The following HMOX2 variants were observed in gnomAD, a reference collection of about 807,000 sequenced individuals.
HMOX2 encodes the protein heme oxygenase (decycling) 2.
Under a neutral mutation model 33.7 loss-of-function variants are expected in HMOX2, and 30 were observed. The ratio of observed to expected loss-of-function variants is 0.89; its 90% CI spans 0.67 to 1.21. The LOEUF is 1.21. Ranked by LOEUF, HMOX2 falls within the 50% of genes most tolerant of loss-of-function variation. The probability of loss-of-function intolerance (pLI) is 0.00; values close to 1 mark genes in which losing one functional copy is unlikely to be tolerated. For synonymous variants in HMOX2, 155 were observed against 155.0 expected (o/e 1.00, Z 0.00); for missense variants, 403 against 399.1 (o/e 1.01, Z -0.08).
intron 1 of HMOX2, among the ~76,000 whole-genome samples, chr16:4,498,556 G>T (rs746034028): frequency 6.6e-6 from 1 of 151,782 alleles, no homozygotes; most frequent in Non-Finnish European, 1.5e-5. Flanking sequence ...TTTATTTTTC[G>T]TAGAGACAAG....
chr16:4,508,296 A>T (rs1358856754), intron 4 of HMOX2, 92 bp downstream of exon 4: 1 of 1,375,290 alleles, frequency 7.3e-7, no homozygotes, highest in Non-Finnish European at 1.0e-6. Flanking sequence ...CACACATGGC[A>T]TTAGGACAGA....
intron 1 of HMOX2, among the ~76,000 whole-genome samples, chr16:4,485,189 C>T (rs957238581): frequency 2.0e-5 from 3 of 152,176 alleles, no homozygotes; most frequent in Non-Finnish European, 4.4e-5. Context: ...TGATCTCGAA[C>T]TCCTGACCTT....
At chr16:4,499,340 A>G (rs1299940289) in intron 1 of HMOX2, among the ~76,000 whole-genome samples, 1 of 152,234 alleles carries the variant, frequency 6.6e-6, no homozygotes, top group Non-Finnish European at 1.5e-5. Context: ...ACAAGAAGGA[A>G]ATTCTGTCAT....
chr16:4,487,159 TAA>T (rs1266552446), intron 1 of HMOX2, among the ~76,000 whole-genome samples: 1 of 151,994 alleles, frequency 6.6e-6, no homozygotes, highest in Non-Finnish European at 1.5e-5. Flanking sequence ...CTCGAGAGGC[TAA>T]GTTGGAAGTA....
chr16:4,482,135 C>G (rs933695626), intron 1 of HMOX2, among the ~76,000 whole-genome samples: 2 of 152,174 alleles, frequency 1.3e-5, no homozygotes, highest in Non-Finnish European at 2.9e-5. Context: ...CTCCATTCCT[C>G]TACCATATAC....
intron 1 of HMOX2, among the ~76,000 whole-genome samples, chr16:4,485,158 G>T (rs2058135843): frequency 6.6e-6 from 1 of 152,022 alleles, no homozygotes; most frequent in Admixed American, 6.6e-5. Flanking sequence ...CAGATTCCGG[G>T]TTTCACCATG....
intron 1 of HMOX2, among the ~76,000 whole-genome samples, chr16:4,477,791 C>G (rs1200802209): frequency 6.6e-6 from 1 of 152,016 alleles, no homozygotes; most frequent in Non-Finnish European, 1.5e-5. Flanking sequence ...CGGGGTGGCG[C>G]GTGTCTGTAA....
In HMOX2 at chr16:4,508,033, G is replaced by C. The variant is rs143152168; in HGVS notation, c.525G>C (p.Leu175=). ...TGAAGAAGGTGGCCCAGCGAGCACT[G>C]AAACTCCCCAGCACAGGGGAAGGGA... ...QVLKKVAQRA[L]KLPSTGEGTQ... Residue 175 remains leucine, a synonymous_variant, in exon 4 of 6, where the codon CTG becomes CTC. Coordinates refer to ENST00000570646, the MANE Select transcript of HMOX2 (RefSeq NM_002134.4). 2.0e-4 allele frequency: 315 copies of C among 1,614,110 alleles called. No individual in the cohort carries two copies. Among genetic ancestry groups the C allele is most frequent in the East Asian group, 4.7e-4 (21 of 44,870 alleles).
chr16:4,501,512 AATTACT>A (rs1256536974), intron 1 of HMOX2, among the ~76,000 whole-genome samples: 2 of 152,106 alleles, frequency 1.3e-5, no homozygotes, highest in Non-Finnish European at 2.9e-5. Context: ...TACAGATTAC[AATTACT>A]ATTACTATTT....
chr16:4,489,783 TG>T (rs2058262053), intron 1 of HMOX2, among the ~76,000 whole-genome samples: 1 of 151,976 alleles, frequency 6.6e-6, no homozygotes, highest in Admixed American at 6.6e-5. Flanking sequence ...TTATAATTTT[TG>T]GGGGGAGGTA....
chr16:4,489,327 C>G (rs922636390), intron 1 of HMOX2, among the ~76,000 whole-genome samples: 4 of 152,192 alleles, frequency 2.6e-5, no homozygotes, highest in Non-Finnish European at 4.4e-5. Context: ...CTCCCTCCCT[C>G]TCTCCCTTCC....
chr16:4,487,077 T>A (rs1341032961), intron 1 of HMOX2, among the ~76,000 whole-genome samples: 1 of 152,026 alleles, frequency 6.6e-6, no homozygotes, highest in Non-Finnish European at 1.5e-5. Flanking sequence ...GGCAACATAG[T>A]GAGACCCTGT....
intron 1 of HMOX2, chr16:4,483,696 C>T (rs1480797604): frequency 6.6e-6 from 1 of 152,298 alleles, no homozygotes; most frequent in African/African-American, 2.4e-5. Context: ...ACTGCAACCT[C>T]CGCTTCCCGG....
At chr16:4,484,185 A>T (rs1280027301) in intron 1 of HMOX2, among the ~76,000 whole-genome samples, 1 of 151,774 alleles carries the variant, frequency 6.6e-6, no homozygotes, top group African/African-American at 2.4e-5. Flanking sequence ...CGTGTTAGCC[A>T]AGATGGTCTC....
chr16:4,488,357 G>T (rs1465837807), intron 1 of HMOX2, among the ~76,000 whole-genome samples: 2 of 152,078 alleles, frequency 1.3e-5, no homozygotes, highest in East Asian at 3.8e-4. Context: ...GGAACTCTTG[G>T]GAATTAAAGG....
At chr16:4,487,776 A>G (rs571981539) in intron 1 of HMOX2, among the ~76,000 whole-genome samples, 27 of 143,090 alleles carry the variant, frequency 1.9e-4, no homozygotes, top group African/African-American at 6.7e-4. Context: ...AGACAGAGCG[A>G]GACTCCGTCT....
At chr16:4,480,203 A>G (rs910451393) in intron 1 of HMOX2, among the ~76,000 whole-genome samples, 2 of 151,062 alleles carry the variant, frequency 1.3e-5, no homozygotes, top group African/African-American at 2.4e-5. Context: ...ATGCACCACC[A>G]TGCCTGGCTA....
chr16:4,478,366 G>A (rs2057926727), intron 1 of HMOX2, among the ~76,000 whole-genome samples: 1 of 152,172 alleles, frequency 6.6e-6, no homozygotes, highest in East Asian at 1.9e-4. Context: ...CCTTTTAACA[G>A]CTGACTCTCT....
chr16:4,500,997 A>C (rs1040982225), intron 1 of HMOX2, among the ~76,000 whole-genome samples: 1 of 152,134 alleles, frequency 6.6e-6, no homozygotes, highest in African/African-American at 2.4e-5. Flanking sequence ...GGAAATGGGA[A>C]AGAGAGAGGG....
Sources: gnomAD v4.1 joint callset for allele counts (sites outside exome capture counted in the v4.1 genomes callset) on GRCh38, gnomAD v4.1.1 for gene constraint, MANE v1.5 for transcripts, NCBI Gene and HGNC (gene_info 2026-07-23, HGNC 2026-07-21) for gene names.